Variants in ZNF573 observed in about 807,000 individuals in gnomAD.
ZNF573 encodes the protein zinc finger protein 573.
Under a neutral mutation model 57.4 loss-of-function variants are expected in ZNF573, and 41 were observed. The observed-to-expected ratio is 0.71, with a 90% CI of 0.56 to 0.93. The LOEUF (loss-of-function observed/expected upper bound fraction) is 0.93, where lower values mean the gene tolerates loss of function less well. Ranked by LOEUF, ZNF573 falls within the 40% of genes least tolerant of loss-of-function variation. ZNF573 has a pLI of 0.00. For synonymous variants in ZNF573, 249 were observed against 261.0 expected (o/e 0.95, Z 0.44); for missense variants, 730 against 794.8 (o/e 0.92, Z 0.98).
intron 1 of ZNF573, among the ~76,000 whole-genome samples, chr19:37,776,892 C>T (rs146924934): frequency 2.0e-5 from 3 of 152,290 alleles, no homozygotes; most frequent in African/African-American, 4.8e-5. Flanking sequence ...AAATGCTCAA[C>T]ATCACTAATG....
chr19:37,772,372 A>C (rs893004464), intron 2 of ZNF573, among the ~76,000 whole-genome samples: 1 of 151,774 alleles, frequency 6.6e-6, no homozygotes, highest in African/African-American at 2.4e-5. Context: ...GGCTCAAGCA[A>C]TCCGCCTGCC....
chr19:37,750,417 T>C (rs1338313204), intron 4 of ZNF573, among the ~76,000 whole-genome samples: 2 of 151,944 alleles, frequency 1.3e-5, no homozygotes, highest in African/African-American at 4.8e-5. Flanking sequence ...AAAAACAAAA[T>C]TGCAATCCAA....
intron 2 of ZNF573, chr19:37,773,027 T>C (rs2045673720): frequency 1.1e-6 from 1 of 947,060 alleles, no homozygotes; most frequent in South Asian, 4.9e-5. Context: ...TTCTCATTCA[T>C]CGCCATTTTC....
chr19:37,768,341 C>T (rs1241215458), intron 4 of ZNF573, among the ~76,000 whole-genome samples: 1 of 152,146 alleles, frequency 6.6e-6, no homozygotes, highest in African/African-American at 2.4e-5. Context: ...TCGTCACTCT[C>T]CTCTTAGGAT....
At chr19:37,761,802 T>A (rs1441868679) in intron 4 of ZNF573, among the ~76,000 whole-genome samples, 2 of 152,196 alleles carry the variant, frequency 1.3e-5, no homozygotes, top group African/African-American at 4.8e-5. Context: ...ATAGGTAATT[T>A]CCCCTGTACC....
At chr19:37,755,082 G>T (rs2145300439) in intron 4 of ZNF573, 1 of 152,294 alleles carries the variant, frequency 6.6e-6, no homozygotes, top group Middle Eastern at 3.4e-3. Context: ...CCATTCTCCT[G>T]CCTCAGCCTC....
At position 37,738,794 on chromosome 19, in the gene ZNF573, T is replaced by C. The variant is rs745669946; in HGVS notation, c.1696A>G (p.Ser566Gly). 10 of 1,614,108 alleles carry C rather than the reference T, an allele frequency of 6.2e-6. No individual in the cohort carries two copies. In the Admixed American group the frequency reaches 1.7e-4, roughly 27 times the overall value. Residue 566 changes from serine (S) to glycine (G), a missense_variant, in exon 5 of 5, where the codon AGT becomes GGT. Ser to Gly is a moderately conservative substitution (Grantham distance 56). Transcript: ENST00000536220. The part of the protein sequence containing the change: ...CKECGKTFRR[S>G]SHLTAHQSIH... The stretch of plus-strand genomic sequence containing the variant: ...CTCTGATGTGCAGTAAGGTGTGAAC[T>C]ACGTCTAAAGGTCTTCCCACATTCC...
chr19:37,774,127 T>C (rs543079997), intron 1 of ZNF573, among the ~76,000 whole-genome samples: 10 of 41,446 alleles, frequency 2.4e-4, no homozygotes, highest in African/African-American at 7.2e-4. Context: ...TAGAAGCTTC[T>C]TTTTTTTTTT....
chr19:37,759,928 A>C (rs1275749397), intron 4 of ZNF573, among the ~76,000 whole-genome samples: 1 of 152,234 alleles, frequency 6.6e-6, no homozygotes, highest in Admixed American at 6.5e-5. Context: ...TAGTATATGT[A>C]AAATTTGGAC....
intron 4 of ZNF573, among the ~76,000 whole-genome samples, chr19:37,764,833 G>A (rs1186216057): frequency 6.6e-6 from 1 of 151,096 alleles, no homozygotes; most frequent in African/African-American, 2.4e-5. Flanking sequence ...TCGATCTCCT[G>A]ACCTCGTGAT....
At chr19:37,762,097 G>C (rs2045558592) in intron 4 of ZNF573, among the ~76,000 whole-genome samples, 1 of 152,166 alleles carries the variant, frequency 6.6e-6, no homozygotes, top group Non-Finnish European at 1.5e-5. Context: ...GATACAATGG[G>C]AAGAATAGAA....
chr19:37,744,792 T>C (rs1178152183), intron 4 of ZNF573, among the ~76,000 whole-genome samples: 2 of 151,754 alleles, frequency 1.3e-5, no homozygotes, highest in African/African-American at 4.8e-5. Flanking sequence ...GAAAACACTT[T>C]TTTTTTTGAG....
intron 1 of ZNF573, among the ~76,000 whole-genome samples, chr19:37,775,127 C>G (rs2045696174): frequency 6.6e-6 from 1 of 151,454 alleles, no homozygotes; most frequent in Non-Finnish European, 1.5e-5. Context: ...AGTAATCCTA[C>G]TGCCTCAGCC....
Position 37,758,264 on chromosome 19 carries a change from T to A in ZNF573, c.295+11741A>T, listed in dbSNP as rs1330621634. On this transcript the variant is annotated intron_variant, in intron 4 of 4. Coordinates refer to ENST00000536220, the MANE Select transcript of ZNF573 (RefSeq NM_001172690.2). ...ATATATATATATATATATATATATA[T>A]AAAATTACCCAGTTGCTACTTTTCT... 3.0e-3 allele frequency among the ~76,000 whole-genome samples: 276 copies of A among 91,776 alleles called. 27 individuals carry two copies. Among genetic ancestry groups the A allele is most frequent in the African/African-American group, 0.011 (256 of 22,902 alleles). 60.2% of individuals were successfully genotyped at this position (91,776 alleles called of 152,430 possible). A position where few individuals can be genotyped will look rare whatever the true frequency, so the allele number is the denominator to read the frequency against.
intron 4 of ZNF573, among the ~76,000 whole-genome samples, chr19:37,757,836 T>A (rs1343939993): frequency 1.3e-5 from 2 of 152,024 alleles, no homozygotes; most frequent in Non-Finnish European, 2.9e-5. Context: ...ATGTGGCACA[T>A]ATATACCATG....
chr19:37,768,961 C>T (rs994478366), intron 4 of ZNF573, among the ~76,000 whole-genome samples: 3 of 150,516 alleles, frequency 2.0e-5, no homozygotes, highest in East Asian at 2.0e-4. Flanking sequence ...CCGCTGCGCC[C>T]GGCCTATTTT....
At chr19:37,770,779 AATAAG>A (rs1386263894) in intron 3 of ZNF573, among the ~76,000 whole-genome samples, 3 of 141,818 alleles carry the variant, frequency 2.1e-5, no homozygotes, top group Non-Finnish European at 4.5e-5. Context: ...TAAATAAATA[AATAAG>A]ATAATAACAA....
At chr19:37,765,236 A>G (rs1340984871) in intron 4 of ZNF573, among the ~76,000 whole-genome samples, 1 of 152,148 alleles carries the variant, frequency 6.6e-6, no homozygotes, top group Non-Finnish European at 1.5e-5. Context: ...AGCCTATAAC[A>G]ATCTTCAACC....
At chr19:37,749,656 C>T (rs960074498) in intron 4 of ZNF573, among the ~76,000 whole-genome samples, 1 of 151,898 alleles carries the variant, frequency 6.6e-6, no homozygotes, top group African/African-American at 2.4e-5. Flanking sequence ...TCACAAATAC[C>T]ACAGAAGAGC....
Sources: allele counts gnomAD v4.1 joint callset (sites outside exome capture counted in the v4.1 genomes callset), GRCh38; gene constraint gnomAD v4.1.1; transcripts MANE v1.5; gene names NCBI Gene and HGNC (gene_info 2026-07-23, HGNC 2026-07-21).